ZDHHC13: variants seen among roughly 807,000 people sequenced by gnomAD.
ZDHHC13 encodes the protein zDHHC palmitoyltransferase 13, also known as palmitoyltransferase ZDHHC13.
Under a neutral mutation model 86.0 loss-of-function variants are expected in ZDHHC13, and 85 were observed. The observed-to-expected ratio is 0.99, with a 90% CI of 0.83 to 1.18. ZDHHC13 has a LOEUF of 1.18. ZDHHC13 is among the 50% of genes most tolerant of loss of function. ZDHHC13 has a pLI of 0.00. For synonymous variants in ZDHHC13, 263 were observed against 246.4 expected (o/e 1.07, Z -0.63); for missense variants, 711 against 730.2 (o/e 0.97, Z 0.30).
chr11:19,156,785 T>C (rs1051772135), intron 9 of ZDHHC13, among the ~76,000 whole-genome samples: 1 of 152,198 alleles, frequency 6.6e-6, no homozygotes, highest in Non-Finnish European at 1.5e-5. Flanking sequence ...GTCTCCTCAC[T>C]GGTCTCCTGA....
rs796345267 is a variant in ZDHHC13 at position 19,131,164 on chromosome 11, A to G, written c.28-11814A>G. On this transcript the variant is annotated intron_variant, in intron 1 of 16. Coordinates refer to ENST00000446113, the MANE Select transcript of ZDHHC13 (RefSeq NM_019028.3). ...CTCCCGAATAGCTGGGACTGCAGGC[A>G]CCCGCCACCATGCCCGGCTAATTTT... Among the ~76,000 whole-genome samples the G allele has an allele frequency of 6.7e-3, 1,014 of 151,252 alleles. 8 individuals carry two copies. The highest frequency in any genetic ancestry group is 0.023 in the African/African-American group (953 of 41,174).
intron 10 of ZDHHC13, 39 bp from the exon 11 acceptor site, chr11:19,163,264 T>A (rs1188923960): frequency 5.8e-6 from 9 of 1,549,080 alleles, no homozygotes; most frequent in African/African-American, 1.4e-5. Context: ...TACATTATTT[T>A]TAAAGGAAGT....
chr11:19,125,631 T>G (rs1848857317), intron 1 of ZDHHC13, among the ~76,000 whole-genome samples: 1 of 152,158 alleles, frequency 6.6e-6, no homozygotes, highest in Admixed American at 6.5e-5. Flanking sequence ...CACACAAAAG[T>G]TTGTCCACGA....
chr11:19,119,076 C>G (rs778526955), intron 1 of ZDHHC13, among the ~76,000 whole-genome samples: 4 of 152,146 alleles, frequency 2.6e-5, no homozygotes, highest in Non-Finnish European at 5.9e-5. Flanking sequence ...CAGGATTTGC[C>G]TATACAATCA....
rs4757766 is a variant in ZDHHC13 at position 19,175,418 on chromosome 11, G to A, written c.1731-404G>A. 6.6e-3 allele frequency among the ~76,000 whole-genome samples: 746 copies of A among 113,392 alleles called. 169 individuals are homozygous for A. The highest frequency in any genetic ancestry group is 8.7e-3 in the Non-Finnish European group (480 of 55,314). The allele number at this position is 113,392 out of a possible 152,430, so 74.4% of individuals were successfully genotyped here. ...AAAAAAAAAAAAAAAAAAAAAAAAA[G>A]GTTTAGGGAAAATCCCATCTTGTTG... On this transcript the variant is annotated intron_variant, in intron 16 of 16. Transcript: ENST00000446113.
intron 8 of ZDHHC13, among the ~76,000 whole-genome samples, chr11:19,155,003 A>G (rs901731117): frequency 3.3e-5 from 5 of 152,170 alleles, no homozygotes; most frequent in African/African-American, 9.7e-5. Context: ...GTCCATAGGC[A>G]TTTAAAATTC....
At chr11:19,169,213 GT>G (rs1381494012) in intron 14 of ZDHHC13, 28 of 985,272 alleles carry the variant, frequency 2.8e-5, no homozygotes, top group Non-Finnish European at 3.1e-5. Flanking sequence ...ATCAACAGCT[GT>G]TTTCTCCACC....
At chr11:19,132,113 G>T (rs181580698) in intron 1 of ZDHHC13, among the ~76,000 whole-genome samples, 1 of 152,016 alleles carries the variant, frequency 6.6e-6, no homozygotes, top group African/African-American at 2.4e-5. Context: ...CATTTTTCTT[G>T]CTTCTTGGCA....
intron 13 of ZDHHC13, 41 bp from the exon 14 acceptor site, chr11:19,166,261 A>G (rs777677815): frequency 1.4e-5 from 22 of 1,533,120 alleles, no homozygotes; most frequent in East Asian, 4.6e-5. Context: ...AAATCAGAAG[A>G]AACGAAAATA....
At position 19,142,992 on chromosome 11, in the gene ZDHHC13, C is replaced by T. The variant is rs1849363057; in HGVS notation, c.42C>T (p.Ser14=). 2 of 1,608,862 alleles carry T rather than the reference C, an allele frequency of 1.2e-6. No individual in the cohort carries two copies. The highest frequency in any genetic ancestry group is 1.7e-6 in the Non-Finnish European group (2 of 1,177,282). ...PGLGSQCRNH[S]HGPHPPGFGR... ...TTACTCTTCAGTGCAGGAATCACAG[C>T]CATGGCCCCCACCCTCCAGGATTTG... The change falls in exon 2 of 17, where the codon AGC becomes AGT. Residue 14 remains serine (S), a synonymous_variant. Coordinates refer to ENST00000446113, the MANE Select transcript of ZDHHC13 (RefSeq NM_019028.3).
At chr11:19,119,441 C>A (rs187783656) in intron 1 of ZDHHC13, among the ~76,000 whole-genome samples, 1 of 152,198 alleles carries the variant, frequency 6.6e-6, no homozygotes, top group Admixed American at 6.5e-5. Context: ...GCCCGGTCAT[C>A]CCCAGCCACA....
At chr11:19,117,128 C>G (rs1442199094), upstream of ZDHHC13, 3 of 1,083,988 alleles carry the variant, frequency 2.8e-6, no homozygotes, top group Non-Finnish European at 4.0e-6. The surrounding 1 kb of genome is among the most constrained non-coding windows in gnomAD (Gnocchi z 4.2). Context: ...GAGCGGGGAC[C>G]GCAGCGGCGG....
intron 5 of ZDHHC13, among the ~76,000 whole-genome samples, chr11:19,150,428 C>G (rs1411376713): frequency 1.3e-5 from 2 of 152,048 alleles, no homozygotes; most frequent in East Asian, 1.9e-4. Context: ...TTTAAGGTCT[C>G]TACCATCTCT....
chr11:19,165,215 G>C, intron 13 of ZDHHC13, 70 bp downstream of exon 13: 1 of 1,454,126 alleles, frequency 6.9e-7, no homozygotes, highest in Non-Finnish European at 9.4e-7. Flanking sequence ...CACAGAAAAA[G>C]TGGAAGGGCA....
At chr11:19,147,548 G>C in intron 3 of ZDHHC13, 48 bp from the exon 4 acceptor site, 1 of 1,479,538 alleles carries the variant, frequency 6.8e-7, no homozygotes, top group Non-Finnish European at 9.2e-7. Context: ...TTCTCAATAT[G>C]AAGCTTAAGT....
At chr11:19,134,831 A>G (rs980584874) in intron 1 of ZDHHC13, among the ~76,000 whole-genome samples, 31 of 152,206 alleles carry the variant, frequency 2.0e-4, no homozygotes, top group African/African-American at 6.5e-4. Context: ...CGTTCTGCAC[A>G]TATATCCCAG....
chr11:19,160,235 T>C (rs1849872767), intron 10 of ZDHHC13, among the ~76,000 whole-genome samples: 1 of 152,040 alleles, frequency 6.6e-6, no homozygotes, highest in South Asian at 2.1e-4. Context: ...CAGATTTCTT[T>C]AAATGAATGG....
chr11:19,150,878 T>C (rs1160323262), intron 6 of ZDHHC13, 87 bp downstream of exon 6: 1 of 1,209,080 alleles, frequency 8.3e-7, no homozygotes, highest in African/African-American at 1.5e-5. Context: ...TGTGTCTATG[T>C]GAGATGATAG....
chr11:19,176,096 A>G lies in ZDHHC13; in HGVS notation c.*136A>G. On this transcript the variant is annotated 3_prime_UTR_variant, in exon 17 of 17. Coordinates refer to ENST00000446113, the MANE Select transcript of ZDHHC13 (RefSeq NM_019028.3). The stretch of plus-strand genomic sequence containing the variant: ...GTGGTTTTTAAAGCCATTAGGTAAA[A>G]AAAGTTCTCAATAAAGGCATTACAA... 1.0e-6 allele frequency: 1 copy of G among 970,238 alleles called. No individual in the cohort carries two copies. The allele number at this position is 970,238 out of a possible 1,614,324, so 60.1% of individuals were successfully genotyped here.
Sources: gnomAD v4.1 joint callset for allele counts (sites outside exome capture counted in the v4.1 genomes callset) on GRCh38, gnomAD v4.1.1 for gene constraint, Gnocchi (gnomAD v3.1) non-coding constraint, MANE v1.5 for transcripts, NCBI Gene and HGNC (gene_info 2026-07-23, HGNC 2026-07-21) for gene names.